Variants in HDLBP observed in about 807,000 individuals in gnomAD.
The protein encoded by HDLBP is vigilin.
A neutral mutation model predicts 137.3 loss-of-function variants in HDLBP; 30 were observed. That is an observed-to-expected ratio of 0.22 (90% CI 0.16 to 0.30). The LOEUF is 0.30. Among genes scored for constraint, HDLBP ranks in the 10% least tolerant of loss-of-function variants. HDLBP has a pLI of 1.00. For missense variants in HDLBP, 1,119 were observed against 1,667.3 expected (o/e 0.67, Z 5.73); for synonymous variants, 606 against 596.0 (o/e 1.02, Z -0.24).
chr2:241,287,235 C>T (rs1360415061), intron 1 of HDLBP, among the ~76,000 whole-genome samples: 4 of 151,942 alleles, frequency 2.6e-5, no homozygotes, highest in East Asian at 1.9e-4. Context: ...CTCAGCCTCC[C>T]GAGTAGCTGG....
intron 1 of HDLBP, among the ~76,000 whole-genome samples, chr2:241,284,373 A>T (rs1156796262): frequency 6.6e-6 from 1 of 152,214 alleles, no homozygotes; most frequent in African/African-American, 2.4e-5. Flanking sequence ...ACAGCAAGAG[A>T]ACTAGAATTA....
At chr2:241,270,959 C>T (rs2073996015) in intron 1 of HDLBP, 1 of 982,582 alleles carries the variant, frequency 1.0e-6, no homozygotes, top group African/African-American at 1.7e-5. Context: ...TTAATCTAAT[C>T]CCATTTCTTA....
chr2:241,275,912 A>G (rs954037042), intron 1 of HDLBP, among the ~76,000 whole-genome samples: 2 of 152,230 alleles, frequency 1.3e-5, no homozygotes, highest in African/African-American at 4.8e-5. Context: ...ACTAAAGGAC[A>G]TATTTCAGCA....
At chr2:241,261,411 G>A (rs190223547) in intron 5 of HDLBP, among the ~76,000 whole-genome samples, 12 of 152,304 alleles carry the variant, frequency 7.9e-5, no homozygotes, top group East Asian at 7.7e-4. Flanking sequence ...GATTACATGA[G>A]TTAGGAGCAC....
intron 1 of HDLBP, among the ~76,000 whole-genome samples, chr2:241,283,922 A>G (rs2074707836): frequency 6.6e-6 from 1 of 152,194 alleles, no homozygotes; most frequent in African/African-American, 2.4e-5. Flanking sequence ...TACACTAAAT[A>G]TACTCTGCCT....
rs1291932005 is a variant in HDLBP at position 241,276,572 on chromosome 2, C to CA, written c.-102-8032dup. ...ACCAACTCTAACAGCAGCTATAGGC[C>CA]ATTCAACAGTCCTAAACCATACAGA... On this transcript the variant is annotated intron_variant, in intron 1 of 27. Transcript: ENST00000310931. Among the ~76,000 whole-genome samples, 9 of 152,078 alleles carry CA rather than the reference C, an allele frequency of 5.9e-5. No homozygotes were observed. In the South Asian group the frequency reaches 1.7e-3, roughly 28 times the overall value.
chr2:241,299,045 G>GGA (rs886181042), intron 1 of HDLBP, among the ~76,000 whole-genome samples: 1 of 152,182 alleles, frequency 6.6e-6, no homozygotes, highest in Admixed American at 6.5e-5. Context: ...CGGTTAAGGA[G>GGA]GAAGGTGTCT....
chr2:241,289,969 AT>A (rs1266225535), intron 1 of HDLBP, among the ~76,000 whole-genome samples: 1 of 152,172 alleles, frequency 6.6e-6, no homozygotes, highest in African/African-American at 2.4e-5. Flanking sequence ...AAAAAAAAAA[AT>A]CTGGAAAGTA....
At position 241,273,110 on chromosome 2, in the gene HDLBP, G is replaced by A. The variant is rs1045389245; in HGVS notation, c.-102-4569C>T. ...CCGAAGACCAGAAAGGGAGCAGGAA[G>A]GACGGCTGCTCTGGAAGCAGATGTC... is the stretch of plus-strand genomic sequence containing the variant. On this transcript the variant is annotated intron_variant, in intron 1 of 27. Coordinates refer to ENST00000310931, the MANE Select transcript of HDLBP (RefSeq NM_005336.6). 26 of 985,398 alleles carry A rather than the reference G, an allele frequency of 2.6e-5. No individual in the cohort carries two copies. The African/African-American group carries it at 3.8e-4, about 15-fold the overall frequency. 61.0% of individuals were successfully genotyped at this position (985,398 alleles called of 1,614,324 possible). A position where few individuals can be genotyped will look rare whatever the true frequency, so the allele number is the denominator to read the frequency against.
At chr2:241,256,495 C>A (rs186303381) in intron 6 of HDLBP, 96 bp from the exon 7 acceptor site, 4 of 1,496,158 alleles carry the variant, frequency 2.7e-6, no homozygotes, top group Non-Finnish European at 3.7e-6. Context: ...CCTCCACCCC[C>A]ACCACATTAT....
At chr2:241,256,438 G>A (rs930693232) in intron 6 of HDLBP, 39 bp from the exon 7 acceptor site, 4 of 1,553,604 alleles carry the variant, frequency 2.6e-6, no homozygotes, top group Admixed American at 3.5e-5. Flanking sequence ...ACAGGCCTTT[G>A]AAAACAAACT....
In HDLBP at chr2:241,242,671, A is replaced by G; in HGVS notation, c.1958T>C (p.Ile653Thr). The change falls in exon 17 of 28, where the codon ATA (isoleucine) becomes ACA (threonine). Residue 653 changes from isoleucine (I) to threonine (T), a missense_variant. Physicochemically the swap from Ile to Thr is moderately conservative, Grantham distance 89. Transcript: ENST00000310931. ...AGGGATGGAGACCTCTACCTCGGCT[A>G]TGTTGGCCTGAAACCAAACACAGGG... ...ILSIQKDLAN[I>T]AEVEVSIPAK... is the part of the protein sequence containing the mutation. The G allele has an allele frequency of 6.2e-7, 1 of 1,613,486 alleles. No homozygotes were observed. The highest frequency in any genetic ancestry group is 8.5e-7 in the Non-Finnish European group (1 of 1,179,738).
intron 20 of HDLBP, among the ~76,000 whole-genome samples, chr2:241,237,229 G>A (rs1046709366): frequency 2.0e-5 from 3 of 152,174 alleles, no homozygotes; most frequent in African/African-American, 7.2e-5. Context: ...GGGAAGGGGG[G>A]TGAGAGGTCT....
At chr2:241,268,666 T>G in intron 1 of HDLBP, 125 bp from the exon 2 acceptor site, 1 of 211,208 alleles carries the variant, frequency 4.7e-6, no homozygotes, top group Non-Finnish European at 8.2e-6. Flanking sequence ...ATGCTTTGGT[T>G]ACTAACACCA....
chr2:241,303,371 C>T (rs11884197), intron 1 of HDLBP, among the ~76,000 whole-genome samples: 48,283 of 152,076 alleles, frequency 0.32, 8,398 homozygotes, highest in East Asian at 0.51. Context: ...CCACCCACAC[C>T]ATACAACAGG....
rs11423330 is a variant in HDLBP, at chr2:241,299,505, C to CAAAA, written c.-103+16061_-103+16064dup. On this transcript the variant is annotated intron_variant, in intron 1 of 27. Transcript: ENST00000310931. ...ACTGAACTCCAGCCTGGCTCCGTCT[C>CAAAA]AAAAAAAAAAAAAAAAAAAAAAAAA... Among the ~76,000 whole-genome samples the CAAAA allele has an allele frequency of 6.8e-3, 331 of 48,804 alleles. 2 individuals are homozygous for CAAAA. Among genetic ancestry groups the CAAAA allele is most frequent in the Non-Finnish European group, 8.5e-3 (231 of 27,028 alleles). 32.0% of individuals were successfully genotyped at this position (48,804 alleles called of 152,430 possible). A position where few individuals can be genotyped will look rare whatever the true frequency, so the allele number is the denominator to read the frequency against.
intron 5 of HDLBP, among the ~76,000 whole-genome samples, chr2:241,257,867 A>AAGAT (rs2072795809): frequency 6.6e-6 from 1 of 152,162 alleles, no homozygotes. Flanking sequence ...AGTATACGGA[A>AAGAT]AGACCTGCTG....
intron 16 of HDLBP, chr2:241,243,509 G>C (rs2071443160): frequency 6.5e-6 from 1 of 152,950 alleles, no homozygotes; most frequent in Admixed American, 6.5e-5. Flanking sequence ...CAGACACCAG[G>C]AAACAGTGCC....
chr2:241,302,963 T>C (rs2075441688), intron 1 of HDLBP, among the ~76,000 whole-genome samples: 1 of 152,204 alleles, frequency 6.6e-6, no homozygotes, highest in Non-Finnish European at 1.5e-5. Context: ...CACAGTGCCC[T>C]ACCAATGCCC....
Sources: allele counts gnomAD v4.1 joint callset (sites outside exome capture counted in the v4.1 genomes callset), GRCh38; gene constraint gnomAD v4.1.1; transcripts MANE v1.5; gene names NCBI Gene and HGNC (gene_info 2026-07-23, HGNC 2026-07-21).